The following ERBB3 variants were observed in gnomAD, a reference collection of about 807,000 sequenced individuals.
ERBB3 encodes the protein receptor tyrosine-protein kinase erbB-3.
Under a neutral mutation model 156.7 loss-of-function variants are expected in ERBB3, and 96 were observed. That is an observed-to-expected ratio of 0.61 (90% CI 0.52 to 0.73). The LOEUF is 0.73. Among genes scored for constraint, ERBB3 ranks in the 30% least tolerant of loss-of-function variants. The pLI is 0.00. For synonymous variants in ERBB3, 567 were observed against 632.0 expected (o/e 0.90, Z 1.54); for missense variants, 1,406 against 1,709.4 (o/e 0.82, Z 3.13).
upstream of ERBB3, chr12:56,080,160 C>G (rs1353376082): frequency 1.4e-5 from 10 of 710,120 alleles, no homozygotes; most frequent in Admixed American, 8.2e-5. Flanking sequence ...GCTCCGGCTC[C>G]GATTGCAATT....
At chr12:56,098,609 T>C in intron 22 of ERBB3, 34 bp downstream of exon 22, 1 of 1,597,032 alleles carries the variant, frequency 6.3e-7, no homozygotes. Flanking sequence ...CTACCATCAC[T>C]GGCCCCAGTT....
intron 7 of ERBB3, 114 bp from the exon 8 acceptor site, chr12:56,088,429 T>G: frequency 1.1e-6 from 1 of 924,694 alleles, no homozygotes; most frequent in Non-Finnish European, 1.8e-6. Context: ...GGGTGGCAGA[T>G]GGGGACAAAT....
At position 56,088,248 on chromosome 12, in the gene ERBB3, T is replaced by C. The variant is rs551639580; in HGVS notation, c.874+86T>C. 60 of 1,464,552 alleles carry C rather than the reference T, an allele frequency of 4.1e-5. No individual in the cohort carries two copies. The East Asian group carries it at 8.8e-4, about 22-fold the overall frequency. 90.7% of individuals were successfully genotyped at this position (1,464,552 alleles called of 1,614,324 possible). The stretch of plus-strand genomic sequence containing the variant: ...ATTGTGGAAGGGAAAAAGAATCCAG[T>C]TGGTGATAAATAGGGAGATTGGTGA... On this transcript the variant is annotated intron_variant, in intron 7 of 27. Transcript: ENST00000267101.
rs1439240083 is a variant in ERBB3 at position 56,101,167 on chromosome 12, G to A, written c.3308G>A (p.Gly1103Asp). Residue 1103 changes from glycine to aspartate, a missense_variant, in exon 27 of 28, where the codon GGC (glycine) becomes GAC (aspartate). Gly to Asp is a moderately conservative substitution (Grantham distance 94). Around this residue, in one of 3 missense-constraint regions of ERBB3, gnomAD observed 415 missense variants for 454.1 expected, o/e 0.91. Transcript: ENST00000267101. ...ASESSEGHVT[G>D]SEAELQEKVS... The stretch of plus-strand genomic sequence containing the variant: ...GAGTCATCAGAGGGGCATGTAACAG[G>A]CTCTGAGGCTGAGCTCCAGGAGAAA... The A allele has an allele frequency of 3.7e-6, 6 of 1,614,012 alleles. No individual in the cohort carries two copies. The highest frequency in any genetic ancestry group is 3.3e-5 in the Admixed American group (2 of 60,000).
intron 23 of ERBB3, 46 bp downstream of exon 23, chr12:56,098,951 TTTTC>T: frequency 6.4e-7 from 1 of 1,552,288 alleles, no homozygotes; most frequent in Non-Finnish European, 8.7e-7. Context: ...TTTTCTTTTT[TTTTC>T]TTTTTTTTTT....
chr12:56,093,803 G>A lies in ERBB3; in HGVS notation c.1520G>A (p.Gly507Glu). The change falls in exon 13 of 28, where the codon GGG becomes GAG. Residue 507 changes from glycine (G) to glutamate (E), a missense_variant. Transcript: ENST00000267101. ...GKVCDPLCSSGGCWGPGPGQC... is the reference protein window; with the variant it reads ...GKVCDPLCSSEGCWGPGPGQC... Reference sequence around the variant, plus strand: ...GTGTGTGACCCACTGTGCTCCTCTGGGGGATGCTGGGGCCCAGGCCCTGGT... The same window carrying A: ...GTGTGTGACCCACTGTGCTCCTCTGAGGGATGCTGGGGCCCAGGCCCTGGT... The A allele has an allele frequency of 6.2e-7, 1 of 1,614,024 alleles. No homozygotes were observed.
Position 56,085,096 on chromosome 12 carries a change from T to C in ERBB3, c.336T>C (p.Asp112=). The C allele has an allele frequency of 6.2e-7, 1 of 1,614,138 alleles. No homozygotes were observed. The highest frequency in any genetic ancestry group is 1.3e-5 in the African/African-American group (1 of 75,044). The change falls in exon 3 of 28, where the codon GAT becomes GAC. Residue 112 remains aspartate (D), a synonymous_variant. Transcript: ENST00000267101. ...TGGTGCGAGGGACCCAGGTCTACGA[T>C]GGGAAGTTTGCCATCTTCGTCATGT... ...LRVVRGTQVY[D]GKFAIFVMLN... is the part of the protein sequence containing the mutation.
intron 23 of ERBB3, among the ~76,000 whole-genome samples, chr12:56,099,329 G>A (rs530901322): frequency 6.0e-5 from 9 of 150,796 alleles, no homozygotes; most frequent in Middle Eastern, 3.4e-3. Flanking sequence ...ATGGAGTCTC[G>A]CTCTGTTGCC....
chr12:56,102,211 G>A lies in ERBB3; in HGVS notation c.*156G>A, dbSNP rs945391892. Reference sequence around the variant, plus strand: ...ATCTTTGGAGGCTTTTAAACATTTTGACACAAAATTCTTATGGTATGTAGC... The same window carrying A: ...ATCTTTGGAGGCTTTTAAACATTTTAACACAAAATTCTTATGGTATGTAGC... On this transcript the variant is annotated 3_prime_UTR_variant, in exon 28 of 28. Transcript: ENST00000267101. 1.5e-5 allele frequency: 11 copies of A among 713,460 alleles called. No individual in the cohort carries two copies. The East Asian group carries it at 2.6e-4, about 17-fold the overall frequency. 44.2% of individuals were successfully genotyped at this position (713,460 alleles called of 1,614,324 possible).
rs375807062 is a variant in ERBB3 at position 56,101,371 on chromosome 12, T to C, written c.3502+10T>C. 13 of 1,613,282 alleles carry C rather than the reference T, an allele frequency of 8.1e-6. No individual in the cohort carries two copies. The highest frequency in any genetic ancestry group is 1.1e-5 in the Non-Finnish European group (13 of 1,179,704). ...GATACACACCTCAAAGGTGCCTGAC[T>C]CTTCCTAGGGCTTTCCTCAATTTTT... On this transcript the variant is annotated intron_variant, in intron 27 of 27. Coordinates refer to ENST00000267101, the MANE Select transcript of ERBB3 (RefSeq NM_001982.4).
intron 10 of ERBB3, 73 bp downstream of exon 10, chr12:56,092,893 G>C: frequency 1.9e-6 from 3 of 1,559,038 alleles, no homozygotes; most frequent in Non-Finnish European, 2.7e-6. Context: ...ATAACTACTT[G>C]AGAAAATCAC....
chr12:56,093,476 A>G lies in ERBB3; in HGVS notation c.1406A>G (p.Asn469Ser), dbSNP rs2136809855. ...CAGCTCTGCTACCACCACTCTTTGA[A>G]CTGGACCAAGGTGCTTCGGGGGCCT... ...NRQLCYHHSL[N>S]WTKVLRGPTE... Residue 469 changes from asparagine to serine, a missense_variant, in exon 12 of 28, where the codon AAC becomes AGC. Physicochemically the swap from Asn to Ser is conservative, Grantham distance 46. This residue lies in a region of ERBB3 where 979 missense variants were observed against 1,219.6 expected (regional missense o/e 0.80). Coordinates refer to ENST00000267101, the MANE Select transcript of ERBB3 (RefSeq NM_001982.4). The G allele has an allele frequency of 1.2e-6, 2 of 1,613,992 alleles. No individual in the cohort carries two copies. The highest frequency in any genetic ancestry group is 1.7e-6 in the Non-Finnish European group (2 of 1,179,998).
Position 56,080,207 on chromosome 12 carries a change from T to A in ERBB3, c.-94T>A, listed in dbSNP as rs981155563. On this transcript the variant is annotated 5_prime_UTR_variant, in exon 1 of 28. Transcript: ENST00000267101. ...CTGCCGTCGCCGCAGCAGCCACCAATTCGCCAGCGGTTCAGGTGGCTCTTG... is the reference window on the plus strand; with the variant it reads ...CTGCCGTCGCCGCAGCAGCCACCAAATCGCCAGCGGTTCAGGTGGCTCTTG... The A allele has an allele frequency of 4.0e-6, 4 of 1,004,222 alleles. No individual in the cohort carries two copies. The highest frequency in any genetic ancestry group is 6.1e-6 in the Non-Finnish European group (4 of 657,428). The allele number at this position is 1,004,222 out of a possible 1,614,324, so 62.2% of individuals were successfully genotyped here. A position where few individuals can be genotyped will look rare whatever the true frequency, so the allele number is the denominator to read the frequency against.
Position 56,094,480 on chromosome 12 carries a change from G to A in ERBB3, c.1783G>A (p.Gly595Ser). The change falls in exon 15 of 28, where the codon GGT (glycine) becomes AGT (serine). Residue 595 changes from glycine (G) to serine (S), a missense_variant. Transcript: ENST00000267101. ...GAGCAGCTGCCCCCATGGAGTCCTA[G>A]GTGCCAAGGGCCCAATCTACAAGTA... ...CVSSCPHGVL[G>S]AKGPIYKYPD... 1 of 1,614,106 alleles carries A rather than the reference G, an allele frequency of 6.2e-7. No homozygotes were observed. The highest frequency in any genetic ancestry group is 8.5e-7 in the Non-Finnish European group (1 of 1,180,028).
chr12:56,099,052 G>A (rs956254179), intron 23 of ERBB3, 147 bp downstream of exon 23: 1 of 722,130 alleles, frequency 1.4e-6, no homozygotes, highest in Non-Finnish European at 2.3e-6. Flanking sequence ...TCCGCCTCTC[G>A]GGTTCAAGAG....
intron 3 of ERBB3, 150 bp downstream of exon 3, chr12:56,085,331 G>T: frequency 6.6e-7 from 1 of 1,507,756 alleles, no homozygotes; most frequent in Non-Finnish European, 8.9e-7. Flanking sequence ...TGCTCCCTAA[G>T]CAATAGAGGG....
At chr12:56,084,033 C>T in intron 2 of ERBB3, 131 bp downstream of exon 2, 1 of 933,998 alleles carries the variant, frequency 1.1e-6, no homozygotes, top group Non-Finnish European at 1.7e-6. Context: ...AGATTCAAAA[C>T]CGTGTATTTA....
intron 23 of ERBB3, among the ~76,000 whole-genome samples, chr12:56,099,236 G>A (rs1176765331): frequency 1.3e-5 from 2 of 151,666 alleles, no homozygotes; most frequent in Non-Finnish European, 2.9e-5. Flanking sequence ...GATTACAGGT[G>A]TGAGCCATCA....
chr12:56,097,176 C>T lies in ERBB3; in HGVS notation c.2406C>T (p.His802=). Residue 802 remains histidine (H), a synonymous_variant, in exon 20 of 28, where the codon CAC becomes CAT. Transcript: ENST00000267101. ...CTCTGCTGGATCATGTGAGACAACA[C>T]CGGGGGGCACTGGGGCCACAGCTGC... is the stretch of plus-strand genomic sequence containing the variant. ...LGSLLDHVRQ[H]RGALGPQLLL... 6.2e-7 allele frequency: 1 copy of T among 1,614,110 alleles called. No individual in the cohort carries two copies. Among genetic ancestry groups the T allele is most frequent in the Non-Finnish European group, 8.5e-7 (1 of 1,180,008 alleles).
Sources: allele counts gnomAD v4.1 joint callset (sites outside exome capture counted in the v4.1 genomes callset), GRCh38; gene constraint gnomAD v4.1.1; regional missense constraint gnomAD v4.1.1; transcripts MANE v1.5; gene names NCBI Gene and HGNC (gene_info 2026-07-23, HGNC 2026-07-21).